The following EML6 variants were observed in gnomAD, a reference collection of about 807,000 sequenced individuals.
EML6 encodes echinoderm microtubule-associated protein-like 6.
A neutral mutation model predicts 240.1 loss-of-function variants in EML6; 154 were observed. That is an observed-to-expected ratio of 0.64 (90% CI 0.56 to 0.73). The LOEUF (loss-of-function observed/expected upper bound fraction) is 0.73, where lower values mean the gene tolerates loss of function less well. EML6 is among the 30% of genes least tolerant of loss of function. The probability of loss-of-function intolerance (pLI) is 0.00; values close to 1 mark genes in which losing one functional copy is unlikely to be tolerated. For synonymous variants in EML6, 1,148 were observed against 899.0 expected (o/e 1.28, Z -4.95); for missense variants, 2,964 against 2,474.6 (o/e 1.20, Z -4.20).
chr2:54,843,016 T>C (rs1433985635), intron 7 of EML6, among the ~76,000 whole-genome samples: 1 of 152,240 alleles, frequency 6.6e-6, no homozygotes, highest in African/African-American at 2.4e-5. Context: ...TGATCAAATA[T>C]GTATTAAACT....
chr2:54,832,338 G>T (rs1165013697), intron 7 of EML6, among the ~76,000 whole-genome samples: 1 of 152,188 alleles, frequency 6.6e-6, no homozygotes, highest in Non-Finnish European at 1.5e-5. Flanking sequence ...TTATTGCACT[G>T]AAGCAAGGAA....
chr2:54,845,484 A>G (rs976897309), intron 8 of EML6, among the ~76,000 whole-genome samples: 2 of 152,206 alleles, frequency 1.3e-5, no homozygotes, highest in Non-Finnish European at 2.9e-5. Context: ...ATTCCCTTTA[A>G]CCATTAATTT....
chr2:54,767,736 C>T (rs576037993), intron 2 of EML6, among the ~76,000 whole-genome samples: 3 of 151,964 alleles, frequency 2.0e-5, no homozygotes, highest in African/African-American at 7.2e-5. Flanking sequence ...TGGTGTCGAA[C>T]TCCTGGCTTC....
At chr2:54,764,710 G>A (rs761548916) in intron 2 of EML6, among the ~76,000 whole-genome samples, 1 of 152,206 alleles carries the variant, frequency 6.6e-6, no homozygotes, top group Non-Finnish European at 1.5e-5. Flanking sequence ...GGAGTGACTG[G>A]TTAAATACTG....
chr2:54,956,148 G>A (rs1213169670), intron 32 of EML6, among the ~76,000 whole-genome samples: 3 of 152,052 alleles, frequency 2.0e-5, no homozygotes, highest in African/African-American at 7.2e-5. Context: ...ATGCAGAGAG[G>A]GATACAGGTG....
intron 3 of EML6, among the ~76,000 whole-genome samples, chr2:54,813,925 C>T (rs1306427931): frequency 1.3e-5 from 2 of 152,198 alleles, no homozygotes. Context: ...TTTACAGTAA[C>T]TGACATCCTC....
chr2:54,832,034 C>T (rs1311829628), intron 7 of EML6, among the ~76,000 whole-genome samples: 1 of 152,270 alleles, frequency 6.6e-6, no homozygotes, highest in African/African-American at 2.4e-5. Context: ...GAGCACCCAC[C>T]TAAAATTATC....
chr2:54,844,765 A>G (rs1328911426), intron 8 of EML6, among the ~76,000 whole-genome samples: 1 of 152,204 alleles, frequency 6.6e-6, no homozygotes, highest in Admixed American at 6.5e-5. Context: ...CTGAGAAAGT[A>G]GTTTACTCGG....
At chr2:54,842,033 A>C (rs902997907) in intron 7 of EML6, among the ~76,000 whole-genome samples, 3 of 151,988 alleles carry the variant, frequency 2.0e-5, no homozygotes, top group Non-Finnish European at 4.4e-5. Context: ...GCCCCACCAG[A>C]GTGGTACATT....
At chr2:54,932,862 C>G (rs1558700442) in intron 28 of EML6, among the ~76,000 whole-genome samples, 1 of 152,154 alleles carries the variant, frequency 6.6e-6, no homozygotes, top group Non-Finnish European at 1.5e-5. Context: ...TTACCAAAGT[C>G]ACACCTAGCT....
At chr2:54,864,062 A>C (rs781055991) in intron 13 of EML6, among the ~76,000 whole-genome samples, 173 bp downstream of exon 13, 1 of 152,188 alleles carries the variant, frequency 6.6e-6, no homozygotes, top group South Asian at 2.1e-4. Context: ...GTGTTTACCC[A>C]ATCATACCAT....
chr2:54,926,836 G>A lies in EML6; in HGVS notation c.3676-1477G>A, dbSNP rs186172211. ...TCTGCAACCTGAATCTCATCCCTTA[G>A]AGTCTGTTTCCTTGAACCTTTCTTT... On this transcript the variant is annotated intron_variant, in intron 26 of 41. Coordinates refer to ENST00000356458, the MANE Select transcript of EML6 (RefSeq NM_001039753.4). Among the ~76,000 whole-genome samples, 309 of 152,098 alleles carry A rather than the reference G, an allele frequency of 2.0e-3. 3 individuals are homozygous for A. Among genetic ancestry groups the A allele is most frequent in the Non-Finnish European group, 7.2e-4 (49 of 68,012 alleles).
chr2:54,897,390 G>T (rs1264878554), intron 21 of EML6, among the ~76,000 whole-genome samples: 3 of 152,174 alleles, frequency 2.0e-5, no homozygotes, highest in Non-Finnish European at 2.9e-5. Context: ...CTCTGTGTCA[G>T]GCAATACCGT....
At chr2:54,815,335 G>C (rs1668035498) in intron 3 of EML6, among the ~76,000 whole-genome samples, 1 of 152,126 alleles carries the variant, frequency 6.6e-6, no homozygotes, top group African/African-American at 2.4e-5. Flanking sequence ...TATTTCTTCA[G>C]GTCCTCCTTA....
Position 54,964,532 on chromosome 2 carries a change from C to G in EML6, c.5331-39C>G, listed in dbSNP as rs952746613. The G allele has an allele frequency of 1.0e-5, 16 of 1,545,052 alleles. No homozygotes were observed. The African/African-American group carries it at 1.9e-4, about 19-fold the overall frequency. Reference sequence around the variant, plus strand: ...TTCGTGCCTGACCAGCCCCAAACAGCCCTCCTCATGGACTCTGCTCTCGGA... The same window carrying G: ...TTCGTGCCTGACCAGCCCCAAACAGGCCTCCTCATGGACTCTGCTCTCGGA... On this transcript the variant is annotated intron_variant, in intron 37 of 41. Coordinates refer to ENST00000356458, the MANE Select transcript of EML6 (RefSeq NM_001039753.4).
rs1558650389 is a variant in EML6 at position 54,886,157 on chromosome 2, C to CT, written c.2439-4895dup. ...ATGTTTCCTTTTTTTTTTTTTTAAC[C>CT]TTCTTTTTTTTTTTTTTTTTTTTCT... On this transcript the variant is annotated intron_variant, in intron 17 of 41. Transcript: ENST00000356458. Among the ~76,000 whole-genome samples the CT allele has an allele frequency of 2.5e-4, 29 of 115,240 alleles. 1 individual carries two copies. The highest frequency in any genetic ancestry group is 3.8e-4 in the Admixed American group (4 of 10,488). The allele number at this position is 115,240 out of a possible 152,430, so 75.6% of individuals were successfully genotyped here. A position where few individuals can be genotyped will look rare whatever the true frequency, so the allele number is the denominator to read the frequency against.
chr2:54,863,951 G>A, intron 13 of EML6, 62 bp downstream of exon 13: 1 of 873,384 alleles, frequency 1.1e-6, no homozygotes, highest in Non-Finnish European at 1.8e-6. Context: ...TCCTGGATTT[G>A]GACATAGCAC....
chr2:54,781,722 T>G (rs928472366), intron 2 of EML6, among the ~76,000 whole-genome samples: 2 of 152,162 alleles, frequency 1.3e-5, no homozygotes, highest in Non-Finnish European at 2.9e-5. Flanking sequence ...CAGGCTGGAG[T>G]GCAGTGGTGC....
chr2:54,943,830 A>T (rs929489881), intron 28 of EML6, among the ~76,000 whole-genome samples: 3 of 152,246 alleles, frequency 2.0e-5, no homozygotes, highest in Non-Finnish European at 2.9e-5. Flanking sequence ...ATTCTGTTAA[A>T]AACTTTTCAG....
Sources: gnomAD v4.1 joint callset for allele counts (sites outside exome capture counted in the v4.1 genomes callset) on GRCh38, gnomAD v4.1.1 for gene constraint, MANE v1.5 for transcripts, NCBI Gene and HGNC (gene_info 2026-07-23, HGNC 2026-07-21) for gene names.